FBXL13: variants seen among roughly 807,000 people sequenced by gnomAD.
FBXL13 encodes F-box and leucine-rich repeat protein 13.
In FBXL13, 67 loss-of-function variants were observed where a neutral mutation model predicts 83.6. The observed-to-expected ratio is 0.80, with a 90% CI of 0.66 to 0.98. The LOEUF (loss-of-function observed/expected upper bound fraction) is 0.98, where lower values mean the gene tolerates loss of function less well. Among genes scored for constraint, FBXL13 ranks in the 50% least tolerant of loss-of-function variants. The probability of loss-of-function intolerance (pLI) is 0.00; values close to 1 mark genes in which losing one functional copy is unlikely to be tolerated. For missense variants in FBXL13, 822 were observed against 866.5 expected, an observed-to-expected ratio of 0.95 and a Z score of 0.64; for synonymous variants, 272 against 299.5, an observed-to-expected ratio of 0.91 and a Z score of 0.95.
At chr7:102,878,108 C>T (rs1584747601) in intron 15 of FBXL13, among the ~76,000 whole-genome samples, 1 of 152,038 alleles carries the variant, frequency 6.6e-6, no homozygotes, top group Non-Finnish European at 1.5e-5. Context: ...ATTTCAGGAA[C>T]GACTCCCTCA....
intron 6 of FBXL13, among the ~76,000 whole-genome samples, chr7:103,014,805 C>T (rs974464543): frequency 2.6e-5 from 4 of 151,518 alleles, no homozygotes; most frequent in African/African-American, 7.3e-5. Flanking sequence ...CGCCTGTAGT[C>T]CCAGCTACTT....
rs1790907791 is a variant in FBXL13 at position 103,005,628 on chromosome 7, T to A, written c.495+19435A>T. ...TGCAGAAAGCCACCTTCTCATTGCA[T>A]CCTCATATGGCAGAGAGAGAGCTCT... On this transcript the variant is annotated intron_variant, in intron 6 of 19. Transcript: ENST00000313221. 2.0e-5 allele frequency among the ~76,000 whole-genome samples: 3 copies of A among 152,292 alleles called. No homozygotes were observed. In the South Asian group the frequency reaches 6.2e-4, roughly 32 times the overall value.
intron 18 of FBXL13, among the ~76,000 whole-genome samples, chr7:102,832,257 G>A (rs1351563890): frequency 6.6e-6 from 1 of 152,174 alleles, no homozygotes; most frequent in East Asian, 1.9e-4. Flanking sequence ...ATGATGGTAT[G>A]TCCTTGGAGT....
At chr7:102,968,181 CCTTTT>C (rs1826199777) in intron 6 of FBXL13, 64 bp from the exon 8 acceptor site, 2 of 1,122,608 alleles carry the variant, frequency 1.8e-6, no homozygotes, top group Non-Finnish European at 1.3e-6. Context: ...TGTCCACTTA[CCTTTT>C]GTCTGTGTGT....
At chr7:102,915,994 T>G (rs1341108890) in intron 10 of FBXL13, among the ~76,000 whole-genome samples, 1 of 152,038 alleles carries the variant, frequency 6.6e-6, no homozygotes, top group Non-Finnish European at 1.5e-5. Flanking sequence ...CTTTTTTTTT[T>G]TTTGTTTGAG....
At chr7:103,055,621 T>A in intron 2 of FBXL13, 23 bp downstream of exon 2, 1 of 1,073,138 alleles carries the variant, frequency 9.3e-7, no homozygotes, top group Non-Finnish European at 1.2e-6. Flanking sequence ...TATTTCCCTA[T>A]CAAAAATCAA....
intron 9 of FBXL13, among the ~76,000 whole-genome samples, chr7:102,930,205 G>C (rs1054806093): frequency 6.6e-6 from 1 of 152,056 alleles, no homozygotes; most frequent in South Asian, 2.1e-4. Flanking sequence ...TAGCAGGGAG[G>C]GGCCAATTCA....
chr7:102,933,888 G>A lies in FBXL13; in HGVS notation c.725-1955C>T, dbSNP rs781654151. 11 of 1,568,988 alleles carry A rather than the reference G, an allele frequency of 7.0e-6. No individual in the cohort carries two copies. In the South Asian group the frequency reaches 1.3e-4, roughly 19 times the overall value. ...TTCATTGTTCCGTCTGTAACACGAA[G>A]TAATTGGGGCCAGCTGGATGTCAGG... On this transcript the variant is annotated intron_variant, in intron 8 of 19. Coordinates refer to ENST00000313221, the Ensembl canonical transcript of FBXL13.
chr7:103,020,034 T>C (rs1792936921), intron 6 of FBXL13, among the ~76,000 whole-genome samples: 1 of 152,164 alleles, frequency 6.6e-6, no homozygotes, highest in African/African-American at 2.4e-5. Flanking sequence ...AAGAGAACTT[T>C]AGATCAATAT....
At position 102,894,392 on chromosome 7, in the gene FBXL13, T is replaced by A. The variant is rs532437783; in HGVS notation, c.1009-10080A>T. 1.0e-3 allele frequency among the ~76,000 whole-genome samples: 153 copies of A among 152,282 alleles called. No individual in the cohort carries two copies. The Middle Eastern group carries it at 0.014, about 14-fold the overall frequency. The stretch of plus-strand genomic sequence containing the variant: ...ATTCCTAGAATACTGTCCCTTTTCA[T>A]TTTTTGTTGATTTGTGTATAGTGAT... On this transcript the variant is annotated intron_variant, in intron 11 of 19. Transcript: ENST00000313221.
chr7:102,826,852 TATATTTCCAAG>T (rs1390904215), intron 18 of FBXL13, among the ~76,000 whole-genome samples: 2 of 145,126 alleles, frequency 1.4e-5, no homozygotes, highest in African/African-American at 2.5e-5. Context: ...ATATAATATA[TATATTTCCAAG>T]AGAGGGAGAG....
intron 11 of FBXL13, among the ~76,000 whole-genome samples, chr7:102,888,400 A>C (rs1398467346): frequency 6.6e-6 from 1 of 152,210 alleles, no homozygotes; most frequent in Non-Finnish European, 1.5e-5. Context: ...TTAGCCAGGC[A>C]TGGTGGCACA....
rs774609635 is a variant in FBXL13 at position 102,963,504 on chromosome 7, A to G, written c.724+29T>C. The G allele has an allele frequency of 4.4e-6, 7 of 1,600,470 alleles. No homozygotes were observed. In the African/African-American group the frequency reaches 9.5e-5, roughly 22 times the overall value. On this transcript the variant is annotated intron_variant, in intron 8 of 19. Coordinates refer to ENST00000313221, the Ensembl canonical transcript of FBXL13. The stretch of plus-strand genomic sequence containing the variant: ...TGTTTAATTGTAATACAGGAAAGCA[A>G]GACAAATAGTTGTAATGAACATACT...
intron 2 of FBXL13, among the ~76,000 whole-genome samples, chr7:103,043,395 T>G (rs61397708): frequency 6.6e-6 from 1 of 152,160 alleles, no homozygotes; most frequent in East Asian, 1.9e-4. Flanking sequence ...AGTTCAACTG[T>G]TGTGGAAGAC....
At chr7:102,906,332 T>C (rs367712505) in intron 11 of FBXL13, among the ~76,000 whole-genome samples, 2 of 152,220 alleles carry the variant, frequency 1.3e-5, no homozygotes, top group African/African-American at 4.8e-5. Flanking sequence ...TGAAAAGTTG[T>C]TGTAGTTATT....
chr7:103,023,961 C>G (rs529846382), intron 6 of FBXL13, among the ~76,000 whole-genome samples: 34 of 152,024 alleles, frequency 2.2e-4, no homozygotes, highest in East Asian at 1.2e-3. Context: ...AGAACAGACA[C>G]CAGGATCTAC....
intron 17 of FBXL13, among the ~76,000 whole-genome samples, chr7:102,843,403 A>C (rs1334750033): frequency 1.3e-5 from 2 of 152,150 alleles, no homozygotes; most frequent in African/African-American, 4.8e-5. Flanking sequence ...ACATCGCACC[A>C]CTCCAGACTG....
At chr7:102,987,288 A>T (rs898395843) in intron 6 of FBXL13, among the ~76,000 whole-genome samples, 1 of 152,214 alleles carries the variant, frequency 6.6e-6, no homozygotes, top group Non-Finnish European at 1.5e-5. Context: ...TTGTACACCT[A>T]AAGTTATTGA....
At chr7:102,973,495 G>A (rs978074539) in intron 6 of FBXL13, 1 of 762,390 alleles carries the variant, frequency 1.3e-6, no homozygotes, top group East Asian at 2.4e-5. Context: ...TGGTGCTGAC[G>A]CCATTTTAGG....
Sources: allele counts gnomAD v4.1 joint callset (sites outside exome capture counted in the v4.1 genomes callset), GRCh38; gene constraint gnomAD v4.1.1; transcripts MANE v1.5; gene names NCBI Gene and HGNC (gene_info 2026-07-23, HGNC 2026-07-21).